SGCD: variants seen among roughly 807,000 people sequenced by gnomAD.
The protein encoded by SGCD is sarcoglycan delta, also known as delta-sarcoglycan.
In SGCD, 18 loss-of-function variants were observed where a neutral mutation model predicts 36.6. The observed-to-expected ratio is 0.49, with a 90% CI of 0.34 to 0.73. SGCD has a LOEUF of 0.73. Among genes scored for constraint, SGCD ranks in the 30% least tolerant of loss-of-function variants. SGCD has a pLI of 0.01. For missense variants in SGCD, 387 were observed against 346.7 expected (o/e 1.12, Z -0.92); for synonymous variants, 133 against 130.6 (o/e 1.02, Z -0.12).
rs2174418 is a variant in SGCD, at chr5:156,452,460, A to C, written c.193-56141A>C. On this transcript the variant is annotated intron_variant, in intron 3 of 8. Coordinates refer to ENST00000337851, the MANE Select transcript of SGCD (RefSeq NM_000337.6). ...ACTTAATAGGCTTTTCAGATCCCAA[A>C]GTTTTTGCAAAGAAGAAACAAAGTA... Among the ~76,000 whole-genome samples the C allele has an allele frequency of 9.1e-3, 1,382 of 152,272 alleles. 21 individuals are homozygous for C. Among genetic ancestry groups the C allele is most frequent in the African/African-American group, 0.031 (1,306 of 41,544 alleles).
At chr5:156,696,339 C>T (rs1471817173) in intron 7 of SGCD, among the ~76,000 whole-genome samples, 1 of 152,162 alleles carries the variant, frequency 6.6e-6, no homozygotes, top group African/African-American at 2.4e-5. Flanking sequence ...GCAGGATCTA[C>T]ATTTTGAATA....
intron 3 of SGCD, among the ~76,000 whole-genome samples, chr5:156,182,722 C>T (rs574045125): frequency 5.0e-4 from 76 of 152,252 alleles, no homozygotes; most frequent in African/African-American, 1.8e-3. Flanking sequence ...TGTGTCAGTG[C>T]CCATTTACAT....
chr5:155,858,942 G>GA, the SGCD span, among the ~76,000 whole-genome samples: 1 of 148,508 alleles, frequency 6.7e-6, no homozygotes, highest in East Asian at 2.0e-4. Context: ...GGCAATGCAG[G>GA]TTTTTTTTTT....
chr5:156,450,920 AT>A (rs1753981239), intron 3 of SGCD, among the ~76,000 whole-genome samples: 1 of 152,218 alleles, frequency 6.6e-6, no homozygotes, highest in African/African-American at 2.4e-5. Flanking sequence ...GAGCAAAAAA[AT>A]AAATGAATAA....
rs372152495 is a variant in SGCD at position 156,344,629 on chromosome 5, G to C, written c.144G>C (p.Val48=). 278 of 1,611,860 alleles carry C rather than the reference G, an allele frequency of 1.7e-4. No homozygotes were observed. In the African/African-American group the frequency reaches 3.5e-3, roughly 20 times the overall value. Residue 48 remains valine (V), a synonymous_variant, in exon 3 of 9, where the codon GTG becomes GTC. Transcript: ENST00000337851. The part of the protein sequence containing the change: ...FVLLLMILIL[V]NLAMTIWILK... ...TGCTCCTCATGATTTTAATACTGGTGAACTTGGCCATGACCATCTGGATTC... is the reference window on the plus strand; with the variant it reads ...TGCTCCTCATGATTTTAATACTGGTCAACTTGGCCATGACCATCTGGATTC...
intron 3 of SGCD, among the ~76,000 whole-genome samples, chr5:156,496,863 A>G (rs1400880192): frequency 5.9e-5 from 9 of 152,124 alleles, no homozygotes; most frequent in Admixed American, 5.9e-4. Context: ...TTAACCCTCC[A>G]TGGGCATGTA....
intron 3 of SGCD, among the ~76,000 whole-genome samples, chr5:156,452,923 A>T (rs578086321): frequency 6.6e-6 from 1 of 152,300 alleles, no homozygotes; most frequent in African/African-American, 2.4e-5. Context: ...GATTGGAGAT[A>T]GAGTGACTTG....
intron 1 of SGCD, among the ~76,000 whole-genome samples, chr5:155,950,812 C>A (rs1757533789): frequency 6.6e-6 from 1 of 152,152 alleles, no homozygotes; most frequent in Non-Finnish European, 1.5e-5. Flanking sequence ...ACTTGATACT[C>A]TTCAAATAGT....
chr5:156,142,041 T>C (rs1762594024), intron 3 of SGCD, among the ~76,000 whole-genome samples: 1 of 152,124 alleles, frequency 6.6e-6, no homozygotes, highest in Non-Finnish European at 1.5e-5. Context: ...TGGGAGATGA[T>C]TGAATCATGG....
chr5:155,865,651 A>G (rs1755509251), upstream of SGCD, among the ~76,000 whole-genome samples: 1 of 152,212 alleles, frequency 6.6e-6, no homozygotes, highest in Non-Finnish European at 1.5e-5. Context: ...CACATTGGTC[A>G]TTTGGAAAAT....
intron 3 of SGCD, among the ~76,000 whole-genome samples, chr5:156,213,790 C>T (rs929662509): frequency 6.6e-6 from 1 of 151,984 alleles, no homozygotes; most frequent in Non-Finnish European, 1.5e-5. Flanking sequence ...GGATTTATAT[C>T]TGGGATTTAA....
At chr5:156,735,415 A>G (rs1050771620) in intron 7 of SGCD, among the ~76,000 whole-genome samples, 7 of 152,034 alleles carry the variant, frequency 4.6e-5, no homozygotes, top group Admixed American at 1.3e-4. Context: ...GAGTTTTCAA[A>G]TCTCTGTCAG....
At chr5:156,689,560 GA>G (rs1754036397) in intron 7 of SGCD, among the ~76,000 whole-genome samples, 1 of 152,170 alleles carries the variant, frequency 6.6e-6, no homozygotes, top group African/African-American at 2.4e-5. Context: ...GATCTCCAAG[GA>G]AAGGGAAGTA....
intron 3 of SGCD, among the ~76,000 whole-genome samples, chr5:156,482,092 G>A (rs1374492574): frequency 1.3e-5 from 2 of 152,132 alleles, no homozygotes; most frequent in African/African-American, 2.4e-5. Context: ...AGATGTTGAG[G>A]AAAGCAAAGC....
At chr5:156,501,805 G>T (rs572789979) in intron 3 of SGCD, among the ~76,000 whole-genome samples, 3 of 152,226 alleles carry the variant, frequency 2.0e-5, no homozygotes, top group East Asian at 1.9e-4. Context: ...TCTTGTCTTC[G>T]CTGGGATTAC....
intron 1 of SGCD, among the ~76,000 whole-genome samples, chr5:156,073,086 G>A (rs1271466387): frequency 6.6e-6 from 1 of 151,956 alleles, no homozygotes; most frequent in Non-Finnish European, 1.5e-5. Context: ...ATTTCCTCCT[G>A]TAGCTCGGAG....
At chr5:155,815,077 T>C in the SGCD span, among the ~76,000 whole-genome samples, 10,849 of 152,136 alleles carry the variant, frequency 0.071, 938 homozygotes, top group African/African-American at 0.21. Flanking sequence ...ATTAGTGTAC[T>C]TGCTGTAAAT....
At chr5:156,672,389 A>C (rs1030614946) in intron 7 of SGCD, among the ~76,000 whole-genome samples, 4 of 152,134 alleles carry the variant, frequency 2.6e-5, no homozygotes, top group Non-Finnish European at 5.9e-5. Context: ...AACAGTCTCT[A>C]GGGGTCTTAT....
chr5:156,114,677 A>C (rs189683430), intron 1 of SGCD, among the ~76,000 whole-genome samples: 69 of 152,234 alleles, frequency 4.5e-4, no homozygotes, highest in African/African-American at 1.5e-3. Flanking sequence ...AAATATTTTT[A>C]ACTGAATGAT....
Sources: allele counts gnomAD v4.1 joint callset (sites outside exome capture counted in the v4.1 genomes callset), GRCh38; gene constraint gnomAD v4.1.1; transcripts MANE v1.5; gene names NCBI Gene and HGNC (gene_info 2026-07-23, HGNC 2026-07-21).